Variants in FFAR4 observed in about 807,000 individuals in gnomAD.
FFAR4 encodes the protein free fatty acid receptor 4, also known as G-protein coupled receptor 120.
Under a neutral mutation model 27.0 loss-of-function variants are expected in FFAR4, and 19 were observed. The observed-to-expected ratio is 0.70, with a 90% CI of 0.49 to 1.03. FFAR4 has a LOEUF of 1.03. Ranked by LOEUF, FFAR4 falls within the 50% of genes least tolerant of loss-of-function variation. FFAR4 has a pLI of 0.00. For synonymous variants in FFAR4, 254 were observed against 215.6 expected (o/e 1.18, Z -1.56); for missense variants, 476 against 479.0 (o/e 0.99, Z 0.06).
chr10:93,569,439 T>C (rs1200357777), intron 1 of FFAR4, among the ~76,000 whole-genome samples: 2 of 152,182 alleles, frequency 1.3e-5, no homozygotes, highest in African/African-American at 4.8e-5. Context: ...GCAGGGGCCT[T>C]CCATGTCTTG....
intron 2 of FFAR4, among the ~76,000 whole-genome samples, chr10:93,582,343 A>G (rs1182304518): frequency 6.6e-6 from 1 of 151,986 alleles, no homozygotes; most frequent in Non-Finnish European, 1.5e-5. Flanking sequence ...TCGGGAGGTC[A>G]AGACCAGCCT....
At position 93,588,874 on chromosome 10, in the gene FFAR4, T is replaced by C. The variant is rs987307191; in HGVS notation, c.*1265T>C. ...CTACAAGTCAATAAATAGTATAGCA[T>C]CACAGAGCGAATAAGCACTGTGAAG... On this transcript the variant is annotated 3_prime_UTR_variant, in exon 3 of 3. Transcript: ENST00000371481. The C allele has an allele frequency of 4.6e-5, 7 of 152,146 alleles. No homozygotes were observed. Among genetic ancestry groups the C allele is most frequent in the African/African-American group, 1.7e-4 (7 of 41,438 alleles). The allele number at this position is 152,146 out of a possible 1,614,324, so 9.4% of individuals were successfully genotyped here.
intron 2 of FFAR4, among the ~76,000 whole-genome samples, chr10:93,576,599 C>T (rs1300148773): frequency 6.6e-6 from 1 of 152,042 alleles, no homozygotes; most frequent in Non-Finnish European, 1.5e-5. Flanking sequence ...ATTTGATGAA[C>T]CATATGAAAT....
intron 2 of FFAR4, among the ~76,000 whole-genome samples, chr10:93,577,230 A>C (rs2058169199): frequency 6.6e-6 from 1 of 152,216 alleles, no homozygotes; most frequent in African/African-American, 2.4e-5. Flanking sequence ...AAGCCCTTGA[A>C]TCCTCGTGGA....
chr10:93,575,475 A>G (rs2058158401), intron 1 of FFAR4, among the ~76,000 whole-genome samples: 1 of 152,156 alleles, frequency 6.6e-6, no homozygotes, highest in African/African-American at 2.4e-5. Context: ...GCCATATTCC[A>G]TTGGTTTTAC....
intron 1 of FFAR4, among the ~76,000 whole-genome samples, chr10:93,569,748 A>G (rs2058121245): frequency 6.7e-6 from 1 of 149,836 alleles, no homozygotes; most frequent in Non-Finnish European, 1.5e-5. Context: ...GTGAGGTGGG[A>G]AAGCTTGAAA....
In FFAR4 at chr10:93,589,554, G is replaced by A. The variant is rs745989227; in HGVS notation, c.*1945G>A. 3 of 148,096 alleles carry A rather than the reference G, an allele frequency of 2.0e-5. No homozygotes were observed. The highest frequency in any genetic ancestry group is 4.5e-5 in the Non-Finnish European group (3 of 67,164). 9.2% of individuals were successfully genotyped at this position (148,096 alleles called of 1,614,324 possible). ...ACTCTGATTTTTTAGCCTGTCATTG[G>A]TTGGATGGTGAAGCAGGCAACAAAA... On this transcript the variant is annotated 3_prime_UTR_variant, in exon 3 of 3. Transcript: ENST00000371481.
chr10:93,583,186 A>G (rs2058208773), intron 2 of FFAR4, among the ~76,000 whole-genome samples: 1 of 148,364 alleles, frequency 6.7e-6, no homozygotes, highest in African/African-American at 2.5e-5. Flanking sequence ...GTGGATCACG[A>G]GGTCAGGAGT....
chr10:93,585,021 T>C (rs996531407), intron 2 of FFAR4, among the ~76,000 whole-genome samples: 2 of 152,162 alleles, frequency 1.3e-5, no homozygotes, highest in Non-Finnish European at 2.9e-5. Flanking sequence ...TTACAAGTAT[T>C]CTAACGGGAA....
rs563886886 is a variant in FFAR4 at position 93,588,971 on chromosome 10, G to A, written c.*1362G>A. The A allele has an allele frequency of 5.9e-5, 9 of 152,412 alleles. No individual in the cohort carries two copies. In the South Asian group the frequency reaches 1.0e-3, roughly 18 times the overall value. The allele number at this position is 152,412 out of a possible 1,614,324, so 9.4% of individuals were successfully genotyped here. A position where few individuals can be genotyped will look rare whatever the true frequency, so the allele number is the denominator to read the frequency against. ...GGGAGGGGCCTAAGGAGACCTTTCT[G>A]AGGAGTGACAAATTGGATCAAAAGG... On this transcript the variant is annotated 3_prime_UTR_variant, in exon 3 of 3. Transcript: ENST00000371481.
chr10:93,570,310 C>T (rs74150269), intron 1 of FFAR4, among the ~76,000 whole-genome samples: 1,774 of 149,932 alleles, frequency 0.012, 28 homozygotes, highest in African/African-American at 0.042. Flanking sequence ...ATTATAGGTT[C>T]AGCAGTTGAA....
intron 1 of FFAR4, among the ~76,000 whole-genome samples, chr10:93,573,316 C>T (rs1257309504): frequency 1.3e-5 from 2 of 152,218 alleles, no homozygotes; most frequent in Non-Finnish European, 2.9e-5. Flanking sequence ...AGTAACAAGG[C>T]AGGCCTGCCA....
In FFAR4 at chr10:93,582,542, C is replaced by T. The variant is rs572804058; in HGVS notation, c.697-4678C>T. Among the ~76,000 whole-genome samples, 128 of 69,382 alleles carry T rather than the reference C, an allele frequency of 1.8e-3. 2 individuals carry two copies. The East Asian group carries it at 0.067, about 36-fold the overall frequency. 45.5% of individuals were successfully genotyped at this position (69,382 alleles called of 152,430 possible). ...CTGGGCAACAAGAGCGAAACTCCAT[C>T]TCAAAAAAAAAAAAAAAAAAAAAAT... On this transcript the variant is annotated intron_variant, in intron 2 of 2. Coordinates refer to ENST00000371481, the MANE Select transcript of FFAR4 (RefSeq NM_001195755.2).
At position 93,587,508 on chromosome 10, in the gene FFAR4, G is replaced by A; in HGVS notation, c.985G>A (p.Glu329Lys). ...CTACAACATGACACTGTGCAGGAAT[G>A]AGTGGAAGAAAATTTTTTGCTGCTT... Reference protein sequence around the residue: ...ILYNMTLCRNEWKKIFCCFWF... With the variant: ...ILYNMTLCRNKWKKIFCCFWF... The change falls in exon 3 of 3, where the codon GAG (glutamate) becomes AAG (lysine). Residue 329 changes from glutamate (E) to lysine (K), a missense_variant. Coordinates refer to ENST00000371481, the MANE Select transcript of FFAR4 (RefSeq NM_001195755.2). 1 of 1,614,142 alleles carries A rather than the reference G, an allele frequency of 6.2e-7. No homozygotes were observed. The highest frequency in any genetic ancestry group is 8.5e-7 in the Non-Finnish European group (1 of 1,180,044).
chr10:93,577,308 G>A (rs77868099), intron 2 of FFAR4, among the ~76,000 whole-genome samples: 3,710 of 152,344 alleles, frequency 0.024, 118 homozygotes, highest in African/African-American at 0.077. Context: ...GTAGGCACTT[G>A]AAGTGGTGCC....
At chr10:93,586,426 G>T (rs2134558058) in intron 2 of FFAR4, among the ~76,000 whole-genome samples, 1 of 152,262 alleles carries the variant, frequency 6.6e-6, no homozygotes, top group Admixed American at 6.5e-5. Context: ...AAATTATCCA[G>T]TCTTGGGTAT....
intron 2 of FFAR4, among the ~76,000 whole-genome samples, chr10:93,582,678 C>T (rs188960326): frequency 1.3e-5 from 2 of 152,274 alleles, no homozygotes; most frequent in Admixed American, 1.3e-4. Context: ...GCATGCCTTG[C>T]TTCAGCTCCC....
chr10:93,572,933 G>T (rs1041410464), intron 1 of FFAR4, among the ~76,000 whole-genome samples: 1 of 152,180 alleles, frequency 6.6e-6, no homozygotes, highest in Non-Finnish European at 1.5e-5. Context: ...CACATTTGGG[G>T]GATCCAAGTC....
chr10:93,584,514 T>C (rs1298923026), intron 2 of FFAR4, among the ~76,000 whole-genome samples: 1 of 152,098 alleles, frequency 6.6e-6, no homozygotes, highest in Non-Finnish European at 1.5e-5. Context: ...GACTGAGAAG[T>C]AAATGTGCGG....
Sources: gnomAD v4.1 joint callset for allele counts (sites outside exome capture counted in the v4.1 genomes callset) on GRCh38, gnomAD v4.1.1 for gene constraint, MANE v1.5 for transcripts, NCBI Gene and HGNC (gene_info 2026-07-23, HGNC 2026-07-21) for gene names.